ANKRD36C: variants seen among roughly 807,000 people sequenced by gnomAD.
The protein encoded by ANKRD36C is ankyrin repeat domain-containing protein 36C.
ANKRD36C carries 61 observed loss-of-function variants against 276.4 expected under a neutral mutation model. The ratio of observed to expected loss-of-function variants is 0.22; its 90% confidence interval spans 0.18 to 0.27. ANKRD36C has a LOEUF of 0.27. Ranked by LOEUF, ANKRD36C falls within the 10% of genes least tolerant of loss-of-function variation. ANKRD36C has a pLI of 1.00. For synonymous variants in ANKRD36C, 483 were observed against 680.1 expected, an observed-to-expected ratio of 0.71 and a Z score of 4.51; for missense variants, 1,447 against 2,032.3, an observed-to-expected ratio of 0.71 and a Z score of 5.54.
At chr2:95,990,688 C>A (rs1270538303) in intron 1 of ANKRD36C, among the ~76,000 whole-genome samples, 1 of 152,104 alleles carries the variant, frequency 6.6e-6, no homozygotes, top group Admixed American at 6.5e-5. Flanking sequence ...TTCAAGAACA[C>A]AGACCATCTT....
chr2:95,968,465 C>G (rs1211803866), intron 6 of ANKRD36C, among the ~76,000 whole-genome samples: 1 of 152,124 alleles, frequency 6.6e-6, no homozygotes, highest in Non-Finnish European at 1.5e-5. Context: ...TATCAAAGAA[C>G]ATGATTTCTG....
At chr2:95,964,156 C>T (rs1466165574) in intron 6 of ANKRD36C, among the ~76,000 whole-genome samples, 4 of 147,810 alleles carry the variant, frequency 2.7e-5, no homozygotes, top group African/African-American at 1.0e-4. Flanking sequence ...GAAATAAATA[C>T]CTCAGCCAAC....
chr2:95,930,619 T>C (rs893300551), intron 24 of ANKRD36C, among the ~76,000 whole-genome samples: 3 of 151,228 alleles, frequency 2.0e-5, no homozygotes, highest in African/African-American at 7.3e-5. Flanking sequence ...AGAGACTTCT[T>C]TTCTTATAAA....
intron 42 of ANKRD36C, 83 bp downstream of exon 46, chr2:95,910,290 G>A (rs868699522): frequency 1.8e-5 from 26 of 1,413,114 alleles, no homozygotes; most frequent in African/African-American, 7.3e-5. Flanking sequence ...CAGCTTCGAC[G>A]AGCCACCCGC....
chr2:95,896,744 G>T (rs2104368279), intron 44 of ANKRD36C, among the ~76,000 whole-genome samples: 1 of 147,204 alleles, frequency 6.8e-6, no homozygotes, highest in African/African-American at 2.5e-5. Flanking sequence ...AGTTCACTCA[G>T]GTTTTCTCAG....
intron 60 of ANKRD36C, among the ~76,000 whole-genome samples, chr2:95,867,015 T>C (rs556328594): frequency 9.2e-5 from 14 of 152,104 alleles, no homozygotes; most frequent in African/African-American, 3.4e-4. Context: ...GGCAGCTGGG[T>C]TTTCAGCAAG....
chr2:95,862,967 G>T (rs1437607963), intron 60 of ANKRD36C, among the ~76,000 whole-genome samples: 1 of 151,622 alleles, frequency 6.6e-6, no homozygotes, highest in African/African-American at 2.4e-5. Flanking sequence ...ACAACTGCGA[G>T]AAATCAACTT....
intron 13 of ANKRD36C, 40 bp downstream of exon 13, chr2:95,956,746 T>C (rs1315373940): frequency 6.6e-7 from 1 of 1,519,260 alleles, no homozygotes; most frequent in African/African-American, 1.4e-5. Context: ...CTCTATTAAC[T>C]AAGTTAACAT....
At chr2:95,892,408 A>C (rs1328903199) in intron 44 of ANKRD36C, among the ~76,000 whole-genome samples, 1 of 151,542 alleles carries the variant, frequency 6.6e-6, no homozygotes, top group Non-Finnish European at 1.5e-5. Flanking sequence ...CTGTTTAATG[A>C]TACCTCGTAG....
intron 6 of ANKRD36C, among the ~76,000 whole-genome samples, chr2:95,969,659 T>C (rs1303612840): frequency 3.9e-5 from 6 of 152,218 alleles, no homozygotes; most frequent in Non-Finnish European, 7.3e-5. Flanking sequence ...ATCTTCTTTC[T>C]GACATATAGT....
exon 63 of ANKRD36C, chr2:95,855,311 C>T (rs180913069): frequency 3.4e-5 from 55 of 1,601,710 alleles, no homozygotes; most frequent in Non-Finnish European, 4.2e-5. Context: ...TTTTTTCTTT[C>T]GAATGATTCA....
intron 4 of ANKRD36C, among the ~76,000 whole-genome samples, chr2:95,981,516 ATG>A (rs1266682513): frequency 1.3e-5 from 2 of 148,540 alleles, no homozygotes; most frequent in African/African-American, 4.9e-5. Flanking sequence ...TTACATACAT[ATG>A]TGTGTATATG....
chr2:95,891,391 A>G (rs1676352252), intron 46 of ANKRD36C, among the ~76,000 whole-genome samples: 1 of 151,320 alleles, frequency 6.6e-6, no homozygotes, highest in Non-Finnish European at 1.5e-5. Context: ...ATTAAAGCAA[A>G]ATTATGTTGT....
At chr2:95,976,724 A>G (rs979334388) in intron 6 of ANKRD36C, among the ~76,000 whole-genome samples, 2 of 152,158 alleles carry the variant, frequency 1.3e-5, no homozygotes, top group African/African-American at 4.8e-5. Context: ...AATCATATCA[A>G]TAGCCCACAT....
exon 8 of ANKRD36C, chr2:95,962,395 C>G (rs747098050): frequency 3.2e-6 from 5 of 1,566,464 alleles, no homozygotes; most frequent in Non-Finnish European, 4.3e-6. Context: ...TGGCTATATT[C>G]GAGATAGAAT....
At chr2:95,910,330 C>A in intron 42 of ANKRD36C, 43 bp downstream of exon 46, 1 of 1,508,698 alleles carries the variant, frequency 6.6e-7, no homozygotes, top group Non-Finnish European at 8.9e-7. Flanking sequence ...AACTTCTTAT[C>A]TATCTGGACA....
At chr2:95,885,227 G>A (rs1030129792) in intron 52 of ANKRD36C, among the ~76,000 whole-genome samples, 15 of 151,014 alleles carry the variant, frequency 9.9e-5, no homozygotes, top group African/African-American at 3.4e-4. Flanking sequence ...AGTCTTGTTG[G>A]GAGTATCATG....
chr2:95,922,003 T>C (rs1573769391), intron 32 of ANKRD36C, among the ~76,000 whole-genome samples, 193 bp from the exon 33 acceptor site: 3 of 151,716 alleles, frequency 2.0e-5, no homozygotes, highest in Admixed American at 6.6e-5. Context: ...CACGATATAT[T>C]CCTAACTATT....
chr2:95,867,887 T>C (rs1675715048), intron 59 of ANKRD36C, among the ~76,000 whole-genome samples: 1 of 151,808 alleles, frequency 6.6e-6, no homozygotes, highest in African/African-American at 2.4e-5. Context: ...AAAAACAATC[T>C]ATTTATACAT....
Sources: gnomAD v4.1 joint callset for allele counts (sites outside exome capture counted in the v4.1 genomes callset) on GRCh38, gnomAD v4.1.1 for gene constraint, MANE v1.5 for transcripts, NCBI Gene and HGNC (gene_info 2026-07-23, HGNC 2026-07-21) for gene names.